ESCO1: variants seen among roughly 807,000 people sequenced by gnomAD.
ESCO1 encodes establishment of sister chromatid cohesion N-acetyltransferase 1, also known as N-acetyltransferase ESCO1.
A neutral mutation model predicts 83.5 loss-of-function variants in ESCO1; 33 were observed. That is an observed-to-expected ratio of 0.40 (90% CI 0.30 to 0.53). ESCO1 has a LOEUF of 0.53. Among genes scored for constraint, ESCO1 ranks in the 20% least tolerant of loss-of-function variants. The probability of loss-of-function intolerance (pLI) is 0.63; values close to 1 mark genes in which losing one functional copy is unlikely to be tolerated. For missense variants in ESCO1, 855 were observed against 968.0 expected (o/e 0.88, Z 1.55); for synonymous variants, 332 against 324.3 (o/e 1.02, Z -0.25).
chr18:21,592,286 G>T (rs1319910044), intron 1 of ESCO1, among the ~76,000 whole-genome samples: 1 of 150,798 alleles, frequency 6.6e-6, no homozygotes, highest in Non-Finnish European at 1.5e-5. Context: ...CGGGGCAGCT[G>T]GCCGGGCAGA....
At chr18:21,598,918 T>C (rs1291167026) in intron 1 of ESCO1, among the ~76,000 whole-genome samples, 1 of 152,042 alleles carries the variant, frequency 6.6e-6, no homozygotes, top group Non-Finnish European at 1.5e-5. Context: ...TCTATTACAG[T>C]CCTAGTTTCC....
rs781714291 is a variant in ESCO1 at position 21,573,646 on chromosome 18, T to A, written c.1198A>T (p.Asn400Tyr). 11 of 1,614,048 alleles carry A rather than the reference T, an allele frequency of 6.8e-6. No homozygotes were observed. The highest frequency in any genetic ancestry group is 9.3e-6 in the Non-Finnish European group (11 of 1,180,028). The change falls in exon 4 of 12, where the codon AAC (asparagine) becomes TAC (tyrosine). Residue 400 changes from asparagine to tyrosine, a missense_variant. Around this residue, in one of 2 missense-constraint regions of ESCO1, gnomAD observed 726 missense variants for 699.5 expected, o/e 1.04. Transcript: ENST00000269214. Reference sequence around the variant, plus strand: ...TCCAACTTATTGTGCTGCACAGAGTTAAATTTTGAGAGTTTAATTTTAGTC... The same window carrying A: ...TCCAACTTATTGTGCTGCACAGAGTAAAATTTTGAGAGTTTAATTTTAGTC... ...NWTKIKLSKF[N>Y]SVQHNKLDSQ...
chr18:21,572,124 A>G (rs1211194860), intron 4 of ESCO1, among the ~76,000 whole-genome samples: 1 of 152,204 alleles, frequency 6.6e-6, no homozygotes, highest in African/African-American at 2.4e-5. Flanking sequence ...ATGATTTCTA[A>G]TGTTCAGAGT....
At chr18:21,540,113 T>C (rs2037886773) in intron 8 of ESCO1, 104 bp from the exon 9 acceptor site, 1 of 1,076,082 alleles carries the variant, frequency 9.3e-7, no homozygotes, top group South Asian at 1.8e-5. Context: ...TCAATTTGTC[T>C]AAAAATTGCA....
rs1391033127 is a variant in ESCO1 at position 21,573,733 on chromosome 18, T to C, written c.1111A>G (p.Thr371Ala). The C allele has an allele frequency of 6.2e-7, 1 of 1,614,048 alleles. No homozygotes were observed. Among genetic ancestry groups the C allele is most frequent in the Non-Finnish European group, 8.5e-7 (1 of 1,180,034 alleles). ...TTTAGTATACATTTCACAGGCTTTG[T>C]TTTTCTACTTGGGAAAAAACGATTA... ...QCNRFFPSRK[T>A]KPVKCILNGI... is the part of the protein sequence containing the mutation. The change falls in exon 4 of 12, where the codon ACA (threonine) becomes GCA (alanine). Residue 371 changes from threonine to alanine, a missense_variant. By Grantham distance (58) the Thr-to-Ala change is moderately conservative. This residue lies in a region of ESCO1 where 726 missense variants were observed against 699.5 expected (regional missense o/e 1.04). Coordinates refer to ENST00000269214, the MANE Select transcript of ESCO1 (RefSeq NM_052911.3).
At chr18:21,541,111 TTTAAA>T (rs1246525381) in intron 8 of ESCO1, among the ~76,000 whole-genome samples, 6 of 152,254 alleles carry the variant, frequency 3.9e-5, no homozygotes, top group African/African-American at 1.2e-4. Context: ...TATGTAACAA[TTTAAA>T]TTAAAATATT....
rs1228191133 is a variant in ESCO1, at chr18:21,577,788, G to A, written c.-693-2011C>T. On this transcript the variant is annotated intron_variant, in intron 2 of 11. Transcript: ENST00000269214. ...GTCTACAGGCTTAACAGGCACAGTTGAGGATGGAAGTATCATACTGACAAC... is the reference window on the plus strand; with the variant it reads ...GTCTACAGGCTTAACAGGCACAGTTAAGGATGGAAGTATCATACTGACAAC... Among the ~76,000 whole-genome samples, 10 of 152,070 alleles carry A rather than the reference G, an allele frequency of 6.6e-5. No individual in the cohort carries two copies. In the East Asian group the frequency reaches 1.9e-3, roughly 29 times the overall value.
intron 6 of ESCO1, 56 bp from the exon 7 acceptor site, chr18:21,564,373 G>A: frequency 8.7e-7 from 1 of 1,143,736 alleles, no homozygotes; most frequent in South Asian, 1.4e-5. Flanking sequence ...CACATCATTT[G>A]AAGGGGAAAA....
intron 8 of ESCO1, among the ~76,000 whole-genome samples, chr18:21,548,256 G>A (rs1033703494): frequency 2.6e-5 from 4 of 152,208 alleles, no homozygotes; most frequent in Non-Finnish European, 5.9e-5. Flanking sequence ...ACTTTGGGAG[G>A]CCAAGGCAGG....
intron 2 of ESCO1, among the ~76,000 whole-genome samples, chr18:21,580,184 TCA>T (rs2038482570): frequency 6.6e-6 from 1 of 151,958 alleles, no homozygotes; most frequent in African/African-American, 2.4e-5. Flanking sequence ...CAGGCATGAA[TCA>T]CCGCGCCCAG....
chr18:21,553,449 T>TAA (rs59086552), intron 8 of ESCO1, among the ~76,000 whole-genome samples: 4 of 117,554 alleles, frequency 3.4e-5, no homozygotes, highest in African/African-American at 1.2e-4. Flanking sequence ...CTATTTTTAT[T>TAA]AAAAAAAAAA....
rs762170421 is a variant in ESCO1, at chr18:21,574,783, C to A, written c.61G>T (p.Asp21Tyr). Residue 21 changes from aspartate to tyrosine, a missense_variant, in exon 4 of 12, where the codon GAT (aspartate) becomes TAT (tyrosine). Physicochemically the swap from Asp to Tyr is radical, Grantham distance 160. Around this residue, in one of 2 missense-constraint regions of ESCO1, gnomAD observed 726 missense variants for 699.5 expected, o/e 1.04. Transcript: ENST00000269214. ...NSSKVTKKSD[D>Y]KNSETEIQDS... Reference sequence around the variant, plus strand: ...TGAATTTCTGTTTCTGAATTCTTATCGTCACTTTTTTTAGTAACTTTGGAG... The same window carrying A: ...TGAATTTCTGTTTCTGAATTCTTATAGTCACTTTTTTTAGTAACTTTGGAG... 6.2e-7 allele frequency: 1 copy of A among 1,602,296 alleles called. No individual in the cohort carries two copies. Among genetic ancestry groups the A allele is most frequent in the Non-Finnish European group, 8.5e-7 (1 of 1,179,290 alleles).
intron 8 of ESCO1, among the ~76,000 whole-genome samples, chr18:21,545,720 G>A (rs2037965452): frequency 6.6e-6 from 1 of 152,048 alleles, no homozygotes; most frequent in Non-Finnish European, 1.5e-5. Context: ...CCTGAGGTCA[G>A]GAGTTCGAGA....
At position 21,530,311 on chromosome 18, in the gene ESCO1, A is replaced by G. The variant is rs777699387; in HGVS notation, c.*32T>C. 3 of 1,515,350 alleles carry G rather than the reference A, an allele frequency of 2.0e-6. No homozygotes were observed. In the South Asian group the frequency reaches 4.1e-5, roughly 21 times the overall value. The allele number at this position is 1,515,350 out of a possible 1,614,324, so 93.9% of individuals were successfully genotyped here. Reference sequence around the variant, plus strand: ...GCAACCAATCCATTCTCTTCAATAGATGTCTTCTAGTGGTGTAGGCAAGAA... The same window carrying G: ...GCAACCAATCCATTCTCTTCAATAGGTGTCTTCTAGTGGTGTAGGCAAGAA... On this transcript the variant is annotated 3_prime_UTR_variant, in exon 12 of 12. Transcript: ENST00000269214.
chr18:21,554,912 A>G (rs1277288949), intron 8 of ESCO1, among the ~76,000 whole-genome samples: 1 of 151,628 alleles, frequency 6.6e-6, no homozygotes, highest in East Asian at 1.9e-4. Flanking sequence ...CGTCTCAAAA[A>G]ATAAATAAAT....
chr18:21,536,306 T>C, intron 9 of ESCO1, 121 bp from the exon 10 acceptor site: 1 of 1,150,752 alleles, frequency 8.7e-7, no homozygotes, highest in Non-Finnish European at 1.2e-6. Context: ...AGAGTTCTTT[T>C]GGGCTGGGTG....
intron 1 of ESCO1, among the ~76,000 whole-genome samples, chr18:21,592,476 G>C (rs1242877482): frequency 7.2e-5 from 10 of 138,224 alleles, no homozygotes; most frequent in South Asian, 2.3e-4. Flanking sequence ...CGGGCAGAGA[G>C]GCTCCTCACT....
intron 10 of ESCO1, among the ~76,000 whole-genome samples, chr18:21,534,418 AAGAT>A (rs1173512677): frequency 1.3e-5 from 2 of 152,208 alleles, no homozygotes. Context: ...TAGCTGGAAA[AAGAT>A]AGAATTCAGG....
Position 21,574,022 on chromosome 18 carries a change from T to C in ESCO1, c.822A>G (p.Thr274=). The change falls in exon 4 of 12, where the codon ACA becomes ACG. Residue 274 remains threonine (T), a synonymous_variant. Transcript: ENST00000269214. ...ATGGCTGTGGACTTTTTGGGAGTGT[T>C]GTGTTAGTATTCACTTGTGTATGAA... The part of the protein sequence containing the change: ...KSVHTQVNTN[T]TLPKSPQPSV... 6.2e-7 allele frequency: 1 copy of C among 1,613,376 alleles called. No individual in the cohort carries two copies. Among genetic ancestry groups the C allele is most frequent in the Non-Finnish European group, 8.5e-7 (1 of 1,180,000 alleles).
Sources: allele counts gnomAD v4.1 joint callset (sites outside exome capture counted in the v4.1 genomes callset), GRCh38; gene constraint gnomAD v4.1.1; regional missense constraint gnomAD v4.1.1; transcripts MANE v1.5; gene names NCBI Gene and HGNC (gene_info 2026-07-23, HGNC 2026-07-21).